LDLRAD3: variants seen among roughly 807,000 people sequenced by gnomAD.
LDLRAD3 encodes the protein low density lipoprotein receptor class A domain containing 3, also known as low-density lipoprotein receptor class A domain-containing protein 3.
In LDLRAD3, 20 loss-of-function variants were observed where a neutral mutation model predicts 29.4. The observed-to-expected ratio is 0.68, with a 90% confidence interval of 0.48 to 0.99. LDLRAD3 has a LOEUF of 0.99. Among genes scored for constraint, LDLRAD3 ranks in the 50% least tolerant of loss-of-function variants. LDLRAD3 has a pLI of 0.00. For synonymous variants in LDLRAD3, 157 were observed against 192.7 expected (o/e 0.81, Z 1.53); for missense variants, 420 against 454.3 (o/e 0.92, Z 0.69).
intron 4 of LDLRAD3, among the ~76,000 whole-genome samples, chr11:36,200,595 T>C (rs972420401): frequency 6.6e-6 from 1 of 152,132 alleles, no homozygotes; most frequent in African/African-American, 2.4e-5. Flanking sequence ...TGGCAGGCCA[T>C]CAGGAAAAGG....
Position 36,229,624 on chromosome 11 carries a change from C to CATGATA in LDLRAD3, c.*227_*228insATGATA. The CATGATA allele has an allele frequency of 2.0e-6, 1 of 497,804 alleles. No homozygotes were observed. The highest frequency in any genetic ancestry group is 4.0e-5 in the South Asian group (1 of 24,726). The allele number at this position is 497,804 out of a possible 1,614,324, so 30.8% of individuals were successfully genotyped here. A position where few individuals can be genotyped will look rare whatever the true frequency, so the allele number is the denominator to read the frequency against. ...GCGTCTTTTCTGTCAGGTCACTCTT[C>CATGATA]CCTTGGGACCCGAGATCACACCCTC... On this transcript the variant is annotated 3_prime_UTR_variant, in exon 6 of 6. Coordinates refer to ENST00000315571, the MANE Select transcript of LDLRAD3 (RefSeq NM_174902.4).
At chr11:36,100,310 T>C (rs1327725104) in intron 4 of LDLRAD3, among the ~76,000 whole-genome samples, 6 of 152,204 alleles carry the variant, frequency 3.9e-5, no homozygotes, top group African/African-American at 1.2e-4. Flanking sequence ...CAAGATCAAA[T>C]TTTTATAAAA....
At chr11:36,166,675 A>G (rs1854520777) in intron 4 of LDLRAD3, among the ~76,000 whole-genome samples, 1 of 152,206 alleles carries the variant, frequency 6.6e-6, no homozygotes, top group Non-Finnish European at 1.5e-5. Context: ...TACAATGTCT[A>G]GACTTCAAGC....
At chr11:36,105,205 TTGTG>T (rs10565208) in intron 4 of LDLRAD3, among the ~76,000 whole-genome samples, 29,330 of 138,094 alleles carry the variant, frequency 0.21, 3,361 homozygotes, top group East Asian at 0.37. Context: ...TCTGCAGAAT[TTGTG>T]TGTGTGTGTG....
chr11:35,966,778 A>T (rs1197754121), intron 1 of LDLRAD3, among the ~76,000 whole-genome samples: 1 of 152,224 alleles, frequency 6.6e-6, no homozygotes, highest in Non-Finnish European at 1.5e-5. Context: ...GAAAGGGTAT[A>T]TATATTAGGA....
At chr11:35,967,502 T>C in intron 1 of LDLRAD3, 1 of 360,506 alleles carries the variant, frequency 2.8e-6, no homozygotes, top group Non-Finnish European at 5.3e-6. Context: ...CAAAATCTCA[T>C]TTGCTAGGCA....
chr11:36,163,359 A>T (rs1854470500), intron 4 of LDLRAD3: 1 of 152,230 alleles, frequency 6.6e-6, no homozygotes, highest in Admixed American at 6.5e-5. Flanking sequence ...CAGCAGACCC[A>T]TTCTTCTTAA....
At chr11:35,988,283 C>T (rs1243023129) in intron 1 of LDLRAD3, among the ~76,000 whole-genome samples, 1 of 152,118 alleles carries the variant, frequency 6.6e-6, no homozygotes, top group East Asian at 1.9e-4. Context: ...TGGTCTTGAA[C>T]TCCTGGGCTC....
In LDLRAD3 at chr11:36,184,105, A is replaced by C. The variant is rs374239501; in HGVS notation, c.455-42980A>C. On this transcript the variant is annotated intron_variant, in intron 4 of 5. Transcript: ENST00000315571. ...CTCAGCCTCCCGAGTAGCTGGGATT[A>C]CAGGCATGCGCTACCACACCCAGCT... 38 of 232,760 alleles carry C rather than the reference A, an allele frequency of 1.6e-4. No homozygotes were observed. The East Asian group carries it at 2.0e-3, about 12-fold the overall frequency. The allele number at this position is 232,760 out of a possible 1,614,324, so 14.4% of individuals were successfully genotyped here.
intron 1 of LDLRAD3, among the ~76,000 whole-genome samples, chr11:35,969,977 G>C (rs1468620149): frequency 1.3e-5 from 2 of 152,162 alleles, no homozygotes; most frequent in Non-Finnish European, 2.9e-5. Flanking sequence ...TGTGGTTTTT[G>C]TTTTTATGAG....
At chr11:35,973,273 T>C (rs908908364) in intron 1 of LDLRAD3, among the ~76,000 whole-genome samples, 2 of 152,170 alleles carry the variant, frequency 1.3e-5, no homozygotes, top group African/African-American at 4.8e-5. Flanking sequence ...TGGTTCATGG[T>C]ATTCTGTTAT....
chr11:36,135,309 AGATT>A (rs1472102592), intron 4 of LDLRAD3, among the ~76,000 whole-genome samples: 2 of 152,212 alleles, frequency 1.3e-5, no homozygotes, highest in Non-Finnish European at 2.9e-5. Context: ...GATTCTTGAA[AGATT>A]GATTGCTGGC....
rs968100583 is a variant in LDLRAD3, at chr11:36,013,955, C to A, written c.47-22148C>A. Among the ~76,000 whole-genome samples, 3 of 152,280 alleles carry A rather than the reference C, an allele frequency of 2.0e-5. No individual in the cohort carries two copies. In the South Asian group the frequency reaches 6.2e-4, roughly 32 times the overall value. On this transcript the variant is annotated intron_variant, in intron 1 of 5. Coordinates refer to ENST00000315571, the MANE Select transcript of LDLRAD3 (RefSeq NM_174902.4). ...TAAGGTAAGGCAGGCTTTGCAGGCA[C>A]ACCCCCTTTTTTTTCCTCAAAAAGA...
chr11:36,032,640 G>A (rs573381574), intron 1 of LDLRAD3, among the ~76,000 whole-genome samples: 1 of 152,170 alleles, frequency 6.6e-6, no homozygotes, highest in Non-Finnish European at 1.5e-5. Context: ...CCCATTAGAC[G>A]CCAATAGCAC....
At chr11:36,188,239 CT>C (rs1250335852) in intron 4 of LDLRAD3, among the ~76,000 whole-genome samples, 1 of 151,908 alleles carries the variant, frequency 6.6e-6, no homozygotes, top group Non-Finnish European at 1.5e-5. Flanking sequence ...AATGATATGA[CT>C]ACCTACCTTC....
intron 3 of LDLRAD3, 43 bp downstream of exon 3, chr11:36,081,821 C>T: frequency 6.2e-7 from 1 of 1,608,668 alleles, no homozygotes; most frequent in Non-Finnish European, 8.5e-7. Context: ...TTGTTCTTTC[C>T]CGCCAGCCAA....
At chr11:35,966,344 G>T (rs1214514048) in intron 1 of LDLRAD3, among the ~76,000 whole-genome samples, 7 of 152,172 alleles carry the variant, frequency 4.6e-5, no homozygotes, top group Admixed American at 6.5e-5. Flanking sequence ...AGAATCTCTT[G>T]AACCCGGGAG....
intron 3 of LDLRAD3, among the ~76,000 whole-genome samples, chr11:36,096,542 A>G (rs1203574107): frequency 2.0e-5 from 3 of 152,254 alleles, no homozygotes; most frequent in Non-Finnish European, 4.4e-5. Flanking sequence ...ACTCTGTAGG[A>G]CCGAGATTCA....
At chr11:35,970,798 C>T (rs1229082260) in intron 1 of LDLRAD3, among the ~76,000 whole-genome samples, 1 of 152,188 alleles carries the variant, frequency 6.6e-6, no homozygotes, top group Non-Finnish European at 1.5e-5. Context: ...TGCTGGGTAT[C>T]TAGGACATCT....
Sources: allele counts gnomAD v4.1 joint callset (sites outside exome capture counted in the v4.1 genomes callset), GRCh38; gene constraint gnomAD v4.1.1; transcripts MANE v1.5; gene names NCBI Gene and HGNC (gene_info 2026-07-23, HGNC 2026-07-21).